The following BTLA variants were observed in gnomAD, a reference collection of about 807,000 sequenced individuals.
The protein encoded by BTLA is B and T lymphocyte associated, also known as B- and T-lymphocyte attenuator.
A neutral mutation model predicts 25.0 loss-of-function variants in BTLA; 11 were observed. That is an observed-to-expected ratio of 0.44 (90% confidence interval 0.28 to 0.73). The LOEUF is 0.73. Ranked by LOEUF, BTLA falls within the 30% of genes least tolerant of loss-of-function variation. BTLA has a pLI of 0.15. For synonymous variants in BTLA, 104 were observed against 119.8 expected, an observed-to-expected ratio of 0.87 and a Z score of 0.86; for missense variants, 282 against 332.8, an observed-to-expected ratio of 0.85 and a Z score of 1.19.
intron 2 of BTLA, among the ~76,000 whole-genome samples, chr3:112,473,421 T>A (rs1398874094): frequency 6.6e-6 from 1 of 152,042 alleles, no homozygotes; most frequent in Non-Finnish European, 1.5e-5. Flanking sequence ...CTCTTCCCCA[T>A]TCCTTAAGCA....
chr3:112,469,703 A>C, intron 4 of BTLA, 55 bp downstream of exon 4: 1 of 1,465,366 alleles, frequency 6.8e-7, no homozygotes, highest in Non-Finnish European at 9.4e-7. Context: ...TGAATAAATA[A>C]ATAAACACAG....
intron 1 of BTLA, among the ~76,000 whole-genome samples, chr3:112,486,049 G>A (rs2082345845): frequency 6.6e-6 from 1 of 152,186 alleles, no homozygotes; most frequent in South Asian, 2.1e-4. Flanking sequence ...CCCGCGAGGC[G>A]GAGCTTCCAA....
At chr3:112,491,681 A>G (rs936655550) in intron 1 of BTLA, among the ~76,000 whole-genome samples, 54 of 152,226 alleles carry the variant, frequency 3.5e-4, no homozygotes, top group African/African-American at 1.3e-3. Context: ...ACAACAACAT[A>G]AAGTACCAGA....
At chr3:112,469,918 G>A in intron 3 of BTLA, 114 bp from the exon 4 acceptor site, 2 of 835,366 alleles carry the variant, frequency 2.4e-6, no homozygotes, top group Non-Finnish European at 3.9e-6. Context: ...GTTAGTTTTG[G>A]CTTGTTAATT....
At chr3:112,472,551 G>T (rs1383655847) in intron 2 of BTLA, among the ~76,000 whole-genome samples, 1 of 151,974 alleles carries the variant, frequency 6.6e-6, no homozygotes, top group East Asian at 1.9e-4. Context: ...ACAAAAATTA[G>T]CTGGGCGTGG....
intron 3 of BTLA, chr3:112,470,077 T>C (rs2082254019): frequency 3.4e-6 from 1 of 292,848 alleles, no homozygotes; most frequent in Non-Finnish European, 6.4e-6. Context: ...TGGAAGTCCT[T>C]GCTCTGGGGA....
chr3:112,497,784 G>A (rs1235566806), intron 1 of BTLA, among the ~76,000 whole-genome samples: 1 of 152,160 alleles, frequency 6.6e-6, no homozygotes, highest in African/African-American at 2.4e-5. Context: ...TAAAATTATA[G>A]ATAGACTTTC....
Position 112,466,224 on chromosome 3 carries a change from T to C in BTLA, c.754A>G (p.Lys252Glu), listed in dbSNP as rs768795122. The change falls in exon 5 of 5, where the codon AAA becomes GAA. Residue 252 changes from lysine to glutamate, a missense_variant. Around this residue, in one of 2 missense-constraint regions of BTLA, gnomAD observed 119 missense variants for 102.3 expected, o/e 1.16. Transcript: ENST00000334529. ...AGGGAAGCATAAACAATGCCTGGTT[T>C]GTTTTCTTCCAGGCATGGATTAGAA... Reference protein sequence around the residue: ...VYSNPCLEENKPGIVYASLNH... With the variant: ...VYSNPCLEENEPGIVYASLNH... 6.2e-7 allele frequency: 1 copy of C among 1,614,134 alleles called. No homozygotes were observed. The highest frequency in any genetic ancestry group is 1.3e-5 in the African/African-American group (1 of 75,066).
chr3:112,471,263 G>C lies in BTLA; in HGVS notation c.496C>G (p.Leu166Val), dbSNP rs1375423809. 3.7e-6 allele frequency: 6 copies of C among 1,614,122 alleles called. No homozygotes were observed. Among genetic ancestry groups the C allele is most frequent in the Non-Finnish European group, 5.1e-6 (6 of 1,179,996 alleles). The change falls in exon 3 of 5, where the codon CTA becomes GTA. Residue 166 changes from leucine to valine, a missense_variant. Leu to Val is a conservative substitution (Grantham distance 32). Coordinates refer to ENST00000334529, the MANE Select transcript of BTLA (RefSeq NM_181780.4). ...AGGCAGAAACAGGTAGTGATGAGTA[G>C]AGGCAATCCCCCCAAAGGAAGTAAA... ...YRLLPLGGLP[L>V]LITTCFCLFC...
At chr3:112,488,774 C>A (rs1023807521) in intron 1 of BTLA, among the ~76,000 whole-genome samples, 1 of 151,874 alleles carries the variant, frequency 6.6e-6, no homozygotes, top group African/African-American at 2.4e-5. Context: ...CCACTGCGCC[C>A]GGGGAATTTT....
chr3:112,481,648 T>C (rs1008568146), intron 1 of BTLA, among the ~76,000 whole-genome samples: 1 of 152,258 alleles, frequency 6.6e-6, no homozygotes, highest in African/African-American at 2.4e-5. Flanking sequence ...GGCCTTTTTC[T>C]CAACTTCTTG....
chr3:112,497,273 T>C (rs1489540840), intron 1 of BTLA, among the ~76,000 whole-genome samples: 1 of 152,224 alleles, frequency 6.6e-6, no homozygotes, highest in African/African-American at 2.4e-5. Flanking sequence ...ACCCATATTA[T>C]TGCATCTACA....
chr3:112,479,809 C>T (rs937926006), intron 1 of BTLA, 40 bp from the exon 2 acceptor site: 1 of 1,469,452 alleles, frequency 6.8e-7, no homozygotes, highest in Non-Finnish European at 9.2e-7. Context: ...ATATGTTCTT[C>T]TGGAAGTACC....
At chr3:112,479,806 C>A in intron 1 of BTLA, 37 bp from the exon 2 acceptor site, 1 of 1,485,852 alleles carries the variant, frequency 6.7e-7, no homozygotes, top group Non-Finnish European at 9.1e-7. Context: ...CAAATATGTT[C>A]TTCTGGAAGT....
intron 4 of BTLA, 64 bp from the exon 5 acceptor site, chr3:112,466,447 C>A (rs1206794216): frequency 7.1e-7 from 1 of 1,411,744 alleles, no homozygotes; most frequent in Non-Finnish European, 9.4e-7. Context: ...TATTCATTAG[C>A]AAACTATGAA....
intron 4 of BTLA, 122 bp from the exon 5 acceptor site, chr3:112,466,505 T>C (rs2082228263): frequency 2.3e-6 from 2 of 860,212 alleles, no homozygotes; most frequent in Admixed American, 3.3e-5. Context: ...TAATCTACTG[T>C]TCCTCACATA....
chr3:112,489,496 T>C (rs1015479003), intron 1 of BTLA, among the ~76,000 whole-genome samples: 1 of 152,228 alleles, frequency 6.6e-6, no homozygotes, highest in African/African-American at 2.4e-5. Context: ...GAAAAATTCT[T>C]ACAAATTTAT....
intron 2 of BTLA, among the ~76,000 whole-genome samples, chr3:112,475,964 C>T (rs1315862127): frequency 6.6e-6 from 1 of 152,098 alleles, no homozygotes; most frequent in Admixed American, 6.5e-5. Context: ...TAATGCAATT[C>T]TTTCCAGAAA....
At chr3:112,469,947 C>T (rs988498500) in intron 3 of BTLA, 143 bp from the exon 4 acceptor site, 10 of 620,240 alleles carry the variant, frequency 1.6e-5, no homozygotes, top group Admixed American at 9.7e-5. Context: ...CTAGCACACA[C>T]TTGTTTGTGA....
Sources: allele counts gnomAD v4.1 joint callset (sites outside exome capture counted in the v4.1 genomes callset), GRCh38; gene constraint gnomAD v4.1.1; regional missense constraint gnomAD v4.1.1; transcripts MANE v1.5; gene names NCBI Gene and HGNC (gene_info 2026-07-23, HGNC 2026-07-21).